The following CFAP300 variants were observed in gnomAD, a reference collection of about 807,000 sequenced individuals.
CFAP300 encodes cilia and flagella associated protein 300.
A neutral mutation model predicts 33.0 loss-of-function variants in CFAP300; 32 were observed. The ratio of observed to expected loss-of-function variants is 0.97; its 90% CI spans 0.73 to 1.30. CFAP300 has a LOEUF of 1.30. CFAP300 is among the 50% of genes most tolerant of loss of function. The pLI is 0.00. For synonymous variants in CFAP300, 102 were observed against 106.8 expected, an observed-to-expected ratio of 0.95 and a Z score of 0.28; for missense variants, 356 against 318.1, an observed-to-expected ratio of 1.12 and a Z score of -0.90.
At chr11:102,068,520 C>T (rs987233271) in intron 4 of CFAP300, among the ~76,000 whole-genome samples, 5 of 152,196 alleles carry the variant, frequency 3.3e-5, no homozygotes, top group Non-Finnish European at 7.3e-5. Context: ...GGCGTGGTGG[C>T]TTACTTCTGT....
chr11:102,081,588 CAGATAAATA>C (rs1166618945), intron 6 of CFAP300, among the ~76,000 whole-genome samples: 1 of 152,068 alleles, frequency 6.6e-6, no homozygotes, highest in Non-Finnish European at 1.5e-5. Context: ...ATTTATAGGG[CAGATAAATA>C]AGAATGCCAC....
Position 102,075,962 on chromosome 11 carries a change from C to A in CFAP300, c.525C>A (p.Cys175Ter). The A allele has an allele frequency of 6.2e-7, 1 of 1,613,786 alleles. No individual in the cohort carries two copies. Among genetic ancestry groups the A allele is most frequent in the Non-Finnish European group, 8.5e-7 (1 of 1,179,884 alleles). ...EFLFCLFKHLCLGGALCQYED... is the reference protein window; with the variant it reads ...EFLFCLFKHL ...TGTTTTGTCTTTTCAAACATCTTTG[C>A]CTTGGTGGAGCCCTTTGTCAATATG... is the stretch of plus-strand genomic sequence containing the variant. The change falls in exon 5 of 7, where the codon TGC becomes TGA. Residue 175 changes from cysteine to a stop codon, truncating the protein, a stop_gained. Coordinates refer to ENST00000434758, the MANE Select transcript of CFAP300 (RefSeq NM_032930.3). LOFTEE classifies it high-confidence loss of function.
intron 2 of CFAP300, among the ~76,000 whole-genome samples, chr11:102,048,473 A>G (rs1231057324): frequency 6.6e-6 from 1 of 152,186 alleles, no homozygotes; most frequent in African/African-American, 2.4e-5. Flanking sequence ...TGGGGAGTAC[A>G]GGCGAGCCAC....
chr11:102,083,570 T>TCTAC lies in CFAP300; in HGVS notation c.*373_*376dup, dbSNP rs1409619386. On this transcript the variant is annotated 3_prime_UTR_variant, in exon 7 of 7. Transcript: ENST00000434758. Reference sequence around the variant, plus strand: ...AAAATGTAGCAGAAAACTAAACATGTCTACCACTGATCATTAATATGAATT... The same window carrying TCTAC: ...AAAATGTAGCAGAAAACTAAACATGTCTACCTACCACTGATCATTAATATGAATT... 1 of 154,560 alleles carries TCTAC rather than the reference T, an allele frequency of 6.5e-6. No individual in the cohort carries two copies. Among genetic ancestry groups the TCTAC allele is most frequent in the Non-Finnish European group, 1.4e-5 (1 of 69,650 alleles). 9.6% of individuals were successfully genotyped at this position (154,560 alleles called of 1,614,324 possible).
At chr11:102,071,232 T>C (rs1942308884) in intron 4 of CFAP300, among the ~76,000 whole-genome samples, 1 of 152,202 alleles carries the variant, frequency 6.6e-6, no homozygotes, top group African/African-American at 2.4e-5. Context: ...GATGCATATA[T>C]ATTTAGAATA....
At position 102,081,277 on chromosome 11, in the gene CFAP300, C is replaced by A; in HGVS notation, c.671C>A (p.Ala224Asp). 6.2e-7 allele frequency: 1 copy of A among 1,611,642 alleles called. No homozygotes were observed. The highest frequency in any genetic ancestry group is 2.2e-5 in the East Asian group (1 of 44,800). ...ACCTCTTCTGTCTTTAAAGTTTCAG[C>A]TTATGTAAGTGTGAGAGAACTTTTG... ...QITSSVFKVS[A>D]YDSAGMCYPS... Residue 224 changes from alanine to aspartate, a missense_variant, in exon 6 of 7, where the codon GCT becomes GAT. Ala to Asp is a moderately radical substitution (Grantham distance 126). Coordinates refer to ENST00000434758, the MANE Select transcript of CFAP300 (RefSeq NM_032930.3).
At chr11:102,051,782 C>T (rs1941975530) in intron 2 of CFAP300, among the ~76,000 whole-genome samples, 4 of 152,166 alleles carry the variant, frequency 2.6e-5, no homozygotes, top group African/African-American at 9.7e-5. Context: ...CTCCCAGGCT[C>T]AAGCAATTCT....
rs112315424 is a variant in CFAP300 at position 102,080,504 on chromosome 11, G to A, written c.609-711G>A. On this transcript the variant is annotated intron_variant, in intron 5 of 6. Transcript: ENST00000434758. The stretch of plus-strand genomic sequence containing the variant: ...GCAATCTTGGCTCATCGCAACCTCC[G>A]CCTCCCAGGTTCAAGCGATTCTTCT... Among the ~76,000 whole-genome samples the A allele has an allele frequency of 4.0e-4, 61 of 152,016 alleles. 1 individual carries two copies. Among genetic ancestry groups the A allele is most frequent in the African/African-American group, 1.4e-3 (58 of 41,476 alleles).
Position 102,083,575 on chromosome 11 carries a change from C to G in CFAP300, c.*376C>G, listed in dbSNP as rs1400946308. 1 of 154,078 alleles carries G rather than the reference C, an allele frequency of 6.5e-6. No homozygotes were observed. Among genetic ancestry groups the G allele is most frequent in the Admixed American group, 6.5e-5 (1 of 15,330 alleles). 9.5% of individuals were successfully genotyped at this position (154,078 alleles called of 1,614,324 possible). On this transcript the variant is annotated 3_prime_UTR_variant, in exon 7 of 7. Coordinates refer to ENST00000434758, the MANE Select transcript of CFAP300 (RefSeq NM_032930.3). ...GTAGCAGAAAACTAAACATGTCTAC[C>G]ACTGATCATTAATATGAATTGTTAG... is the stretch of plus-strand genomic sequence containing the variant.
intron 5 of CFAP300, 152 bp downstream of exon 5, chr11:102,076,197 C>T: frequency 1.5e-6 from 1 of 668,172 alleles, no homozygotes; most frequent in Non-Finnish European, 2.2e-6. Flanking sequence ...CATAACCTTC[C>T]CCCTCTCTTC....
At chr11:102,067,755 A>C (rs1255751034) in intron 4 of CFAP300, among the ~76,000 whole-genome samples, 1 of 152,126 alleles carries the variant, frequency 6.6e-6, no homozygotes, top group Non-Finnish European at 1.5e-5. Context: ...AAATATGAAG[A>C]AATAGGCCAG....
At chr11:102,052,141 AT>A (rs1357590171) in intron 2 of CFAP300, among the ~76,000 whole-genome samples, 1 of 152,236 alleles carries the variant, frequency 6.6e-6, no homozygotes, top group Non-Finnish European at 1.5e-5. Context: ...AGGGTCCCTT[AT>A]AAAGACTCAT....
chr11:102,081,720 G>A (rs75093633), intron 6 of CFAP300, among the ~76,000 whole-genome samples: 9 of 151,868 alleles, frequency 5.9e-5, no homozygotes, highest in Non-Finnish European at 1.2e-4. Flanking sequence ...GTGAAACCCC[G>A]TCTCTACTAA....
chr11:102,065,663 AG>A (rs1246152982), intron 3 of CFAP300, among the ~76,000 whole-genome samples: 1 of 151,802 alleles, frequency 6.6e-6, no homozygotes, highest in African/African-American at 2.4e-5. Context: ...GATACTCGGG[AG>A]GCTGAGGCAG....
chr11:102,082,932 G>T (rs1311013030), intron 6 of CFAP300, 139 bp from the exon 7 acceptor site: 3 of 242,854 alleles, frequency 1.2e-5, no homozygotes, highest in Non-Finnish European at 2.1e-5. Context: ...GTGCGGCAGA[G>T]GTTGCAGTGA....
intron 5 of CFAP300, among the ~76,000 whole-genome samples, chr11:102,076,738 G>A (rs187434087): frequency 1.6e-3 from 244 of 152,164 alleles, no homozygotes; most frequent in Non-Finnish European, 2.8e-3. Flanking sequence ...CTTCTCATTG[G>A]ACTCATAATT....
At chr11:102,069,835 C>T (rs755173534) in intron 4 of CFAP300, among the ~76,000 whole-genome samples, 9 of 151,920 alleles carry the variant, frequency 5.9e-5, no homozygotes, top group African/African-American at 1.9e-4. Context: ...GTCATGGTGG[C>T]GTGTACCTGT....
chr11:102,078,588 A>C (rs565889625), intron 5 of CFAP300, among the ~76,000 whole-genome samples: 1 of 152,250 alleles, frequency 6.6e-6, no homozygotes, highest in Admixed American at 6.5e-5. Context: ...GAGATATTTT[A>C]AAGTAATACT....
Position 102,047,901 on chromosome 11 carries a change from G to A in CFAP300, c.192+5G>A, listed in dbSNP as rs1248855964. On this transcript the variant is annotated splice_donor_5th_base_variant and intron_variant, in intron 2 of 6. Coordinates refer to ENST00000434758, the MANE Select transcript of CFAP300 (RefSeq NM_032930.3). ...CGGAAGGATGATTTCGTTATGGTTA[G>A]TATGGGGGTCGGAGAGTTCCCTGGG... The A allele has an allele frequency of 1.2e-6, 2 of 1,614,034 alleles. No homozygotes were observed. Among genetic ancestry groups the A allele is most frequent in the South Asian group, 2.2e-5 (2 of 91,042 alleles).
Sources: gnomAD v4.1 joint callset for allele counts (sites outside exome capture counted in the v4.1 genomes callset) on GRCh38, gnomAD v4.1.1 for gene constraint, MANE v1.5 for transcripts, NCBI Gene and HGNC (gene_info 2026-07-23, HGNC 2026-07-21) for gene names.